CARMIL1: variants seen among roughly 807,000 people sequenced by gnomAD.
The protein encoded by CARMIL1 is capping protein regulator and myosin 1 linker 1, also known as F-actin-uncapping protein LRRC16A.
CARMIL1 carries 90 observed loss-of-function variants against 177.1 expected under a neutral mutation model. The observed-to-expected ratio is 0.51, with a 90% confidence interval of 0.43 to 0.61. CARMIL1 has a LOEUF of 0.61. Among genes scored for constraint, CARMIL1 ranks in the 20% least tolerant of loss-of-function variants. CARMIL1 has a pLI of 0.00. For synonymous variants in CARMIL1, 577 were observed against 606.2 expected (o/e 0.95, Z 0.71); for missense variants, 1,380 against 1,667.0 (o/e 0.83, Z 3.00).
intron 12 of CARMIL1, among the ~76,000 whole-genome samples, chr6:25,482,816 C>T (rs1437679103): frequency 6.6e-6 from 1 of 152,042 alleles, no homozygotes; most frequent in East Asian, 1.9e-4. Context: ...AGGTCAGTTC[C>T]TAACTTCACT....
intron 3 of CARMIL1, among the ~76,000 whole-genome samples, 183 bp from the exon 4 acceptor site, chr6:25,426,318 T>C (rs1796271497): frequency 1.3e-5 from 2 of 152,204 alleles, no homozygotes; most frequent in Admixed American, 1.3e-4. Context: ...TAAATCATGT[T>C]TCTATCTTGT....
intron 2 of CARMIL1, among the ~76,000 whole-genome samples, chr6:25,394,747 C>G (rs1793205954): frequency 6.6e-6 from 1 of 152,122 alleles, no homozygotes; most frequent in African/African-American, 2.4e-5. Flanking sequence ...AGGAGAGTTA[C>G]CTAATTGTAC....
At position 25,583,394 on chromosome 6, in the gene CARMIL1, TCA is replaced by T. The variant is rs140772853; in HGVS notation, c.3006+1960_3006+1961del. The stretch of plus-strand genomic sequence containing the variant: ...CTGATGCTTACTGTCACAGCTCTCA[TCA>T]CACAGAGTTTTCTCAGCTTACTCCT... On this transcript the variant is annotated intron_variant, in intron 31 of 36. Coordinates refer to ENST00000329474, the MANE Select transcript of CARMIL1 (RefSeq NM_017640.6). Among the ~76,000 whole-genome samples, 431 of 152,000 alleles carry T rather than the reference TCA, an allele frequency of 2.8e-3. 3 individuals are homozygous for T. Among genetic ancestry groups the T allele is most frequent in the African/African-American group, 9.1e-3 (376 of 41,272 alleles).
intron 2 of CARMIL1, among the ~76,000 whole-genome samples, chr6:25,416,851 C>T (rs983042997): frequency 7.9e-5 from 12 of 152,168 alleles, no homozygotes; most frequent in Admixed American, 4.6e-4. Context: ...TTCTGGCATA[C>T]GAGTTTTAGG....
chr6:25,469,406 A>G (rs534291486), intron 9 of CARMIL1, among the ~76,000 whole-genome samples: 1 of 152,330 alleles, frequency 6.6e-6, no homozygotes, highest in African/African-American at 2.4e-5. Flanking sequence ...CTATTTTAAG[A>G]AAAGAAAGTG....
chr6:25,378,804 C>T (rs1791260166), intron 2 of CARMIL1, among the ~76,000 whole-genome samples: 1 of 140,506 alleles, frequency 7.1e-6, no homozygotes, highest in African/African-American at 2.7e-5. Flanking sequence ...AAAAAAAATT[C>T]ACAGTGTGAA....
chr6:25,364,961 T>C (rs921210209), intron 2 of CARMIL1, among the ~76,000 whole-genome samples: 1 of 152,234 alleles, frequency 6.6e-6, no homozygotes, highest in Non-Finnish European at 1.5e-5. Context: ...CAGCCTTGAC[T>C]CCTTTCACTC....
chr6:25,605,014 G>A (rs1450416741), intron 34 of CARMIL1, 121 bp downstream of exon 34: 5 of 733,422 alleles, frequency 6.8e-6, no homozygotes, highest in Non-Finnish European at 1.1e-5. Flanking sequence ...TTTGTTGTGT[G>A]TTCTCAGCTA....
At position 25,421,554 on chromosome 6, in the gene CARMIL1, G is replaced by T. The variant is rs548465656; in HGVS notation, c.189+1390G>T. Among the ~76,000 whole-genome samples, 9 of 152,178 alleles carry T rather than the reference G, an allele frequency of 5.9e-5. 1 individual carries two copies. In the South Asian group the frequency reaches 1.2e-3, roughly 21 times the overall value. ...TACCCAAAGGACTATAAATCATGCTGCTATAAAGACAAATGCACACGTATG... is the reference window on the plus strand; with the variant it reads ...TACCCAAAGGACTATAAATCATGCTTCTATAAAGACAAATGCACACGTATG... On this transcript the variant is annotated intron_variant, in intron 3 of 36. Coordinates refer to ENST00000329474, the MANE Select transcript of CARMIL1 (RefSeq NM_017640.6).
chr6:25,592,285 A>T (rs1438948392), intron 31 of CARMIL1, among the ~76,000 whole-genome samples: 1 of 152,216 alleles, frequency 6.6e-6, no homozygotes, highest in Non-Finnish European at 1.5e-5. Context: ...ATAACGTGTA[A>T]AACACATGTA....
At chr6:25,341,605 C>A (rs555977949) in intron 2 of CARMIL1, among the ~76,000 whole-genome samples, 1 of 152,332 alleles carries the variant, frequency 6.6e-6, no homozygotes, top group South Asian at 2.1e-4. Flanking sequence ...GTAGTCCCAG[C>A]TACTTGGGAG....
Position 25,558,472 on chromosome 6 carries a change from G to GA in CARMIL1, c.2742+1627dup, listed in dbSNP as rs1259155804. ...ATTTGGTTTAGTTTTGTGAAAGGAA[G>GA]AAAAAGGTTGTTTGTTTGTTTTAAG... On this transcript the variant is annotated intron_variant, in intron 29 of 36. Coordinates refer to ENST00000329474, the MANE Select transcript of CARMIL1 (RefSeq NM_017640.6). The surrounding 1 kb of genome is among the most constrained non-coding windows in gnomAD (Gnocchi z 4.1). 6.6e-6 allele frequency among the ~76,000 whole-genome samples: 1 copy of GA among 152,156 alleles called. No homozygotes were observed. Among genetic ancestry groups the GA allele is most frequent in the Non-Finnish European group, 1.5e-5 (1 of 68,018 alleles).
chr6:25,365,116 C>A (rs961162647), intron 2 of CARMIL1, among the ~76,000 whole-genome samples: 30 of 152,138 alleles, frequency 2.0e-4, no homozygotes, highest in African/African-American at 6.5e-4. Flanking sequence ...GCTTGGATCA[C>A]ATTATTATTT....
rs970811653 is a variant in CARMIL1, at chr6:25,515,220, T to C, written c.1633-455T>C. The stretch of plus-strand genomic sequence containing the variant: ...AAATGGTGGTTAAACATAGTAATTG[T>C]TCAATAATTGTCAGCTATTATTAAT... On this transcript the variant is annotated intron_variant, in intron 20 of 36. Coordinates refer to ENST00000329474, the MANE Select transcript of CARMIL1 (RefSeq NM_017640.6). This position sits in a 1 kb window ranked among gnomAD's most constrained non-coding sequence, Gnocchi z 5.0. Among the ~76,000 whole-genome samples, 5 of 152,200 alleles carry C rather than the reference T, an allele frequency of 3.3e-5. No homozygotes were observed. Among genetic ancestry groups the C allele is most frequent in the African/African-American group, 9.7e-5 (4 of 41,450 alleles).
chr6:25,342,665 T>A (rs1787062164), intron 2 of CARMIL1, among the ~76,000 whole-genome samples: 1 of 152,294 alleles, frequency 6.6e-6, no homozygotes, highest in Non-Finnish European at 1.5e-5. Flanking sequence ...TCCCAACTCA[T>A]GACCAAAAAG....
chr6:25,314,469 T>C (rs1784104101), intron 2 of CARMIL1, among the ~76,000 whole-genome samples: 1 of 124,496 alleles, frequency 8.0e-6, no homozygotes, highest in African/African-American at 3.7e-5. Flanking sequence ...CAAGATTCTG[T>C]CTCAAAAAAA....
intron 11 of CARMIL1, 79 bp downstream of exon 11, chr6:25,472,600 G>A: frequency 8.9e-7 from 1 of 1,129,794 alleles, no homozygotes; most frequent in Non-Finnish European, 1.3e-6. Flanking sequence ...TGCCTGAAGA[G>A]CTGTATCAAG....
intron 29 of CARMIL1, among the ~76,000 whole-genome samples, chr6:25,570,904 C>T (rs181887411): frequency 3.3e-5 from 5 of 152,246 alleles, no homozygotes; most frequent in African/African-American, 1.2e-4. Context: ...TCTTCCTAGG[C>T]TTGCAAAGGA....
At chr6:25,565,659 A>G (rs1254218468) in intron 29 of CARMIL1, among the ~76,000 whole-genome samples, 1 of 152,188 alleles carries the variant, frequency 6.6e-6, no homozygotes, top group Non-Finnish European at 1.5e-5. Context: ...ATCCTGGTCA[A>G]CATGGTGAAA....
Sources: allele counts gnomAD v4.1 joint callset (sites outside exome capture counted in the v4.1 genomes callset), GRCh38; gene constraint gnomAD v4.1.1; non-coding constraint Gnocchi (gnomAD v3.1); transcripts MANE v1.5; gene names NCBI Gene and HGNC (gene_info 2026-07-23, HGNC 2026-07-21).